CALB2: variants seen among roughly 807,000 people sequenced by gnomAD.
CALB2 encodes the protein calretinin.
CALB2 carries 34 observed loss-of-function variants against 45.9 expected under a neutral mutation model. The observed-to-expected ratio is 0.74, with a 90% CI of 0.56 to 0.99. The LOEUF is 0.99. CALB2 is among the 50% of genes least tolerant of loss of function. The probability of loss-of-function intolerance (pLI) is 0.00; values close to 1 mark genes in which losing one functional copy is unlikely to be tolerated. For missense variants in CALB2, 344 were observed against 339.3 expected (o/e 1.01, Z -0.11); for synonymous variants, 142 against 129.6 (o/e 1.10, Z -0.65).
At chr16:71,362,437 C>G (rs1179580775) in intron 1 of CALB2, among the ~76,000 whole-genome samples, 3 of 152,188 alleles carry the variant, frequency 2.0e-5, no homozygotes, top group Non-Finnish European at 4.4e-5. Flanking sequence ...AAGAATCTAG[C>G]CTACATAGAT....
At position 71,389,879 on chromosome 16, in the gene CALB2, G is replaced by C. The variant is rs1290903170; in HGVS notation, c.*14G>C. The C allele has an allele frequency of 6.3e-7, 1 of 1,577,032 alleles. No homozygotes were observed. The highest frequency in any genetic ancestry group is 1.7e-5 in the Admixed American group (1 of 59,968). The stretch of plus-strand genomic sequence containing the variant: ...CCCCCCATGTAAAGTGGGGACGGGG[G>C]CTGCTTCTCCACCTCCCCCAAACCC... On this transcript the variant is annotated 3_prime_UTR_variant, in exon 11 of 11. Transcript: ENST00000302628.
chr16:71,363,970 G>A lies in CALB2; in HGVS notation c.94+5084G>A, dbSNP rs554913110. Among the ~76,000 whole-genome samples, 3 of 152,268 alleles carry A rather than the reference G, an allele frequency of 2.0e-5. No homozygotes were observed. In the South Asian group the frequency reaches 6.2e-4, roughly 32 times the overall value. Reference sequence around the variant, plus strand: ...GGCGTGGCGTGATGTCAGGATATGAGGCTCTCAGGGAACAGCCGCCTGACC... The same window carrying A: ...GGCGTGGCGTGATGTCAGGATATGAAGCTCTCAGGGAACAGCCGCCTGACC... On this transcript the variant is annotated intron_variant, in intron 1 of 10. Transcript: ENST00000302628.
At chr16:71,368,404 G>C (rs962583710) in intron 1 of CALB2, among the ~76,000 whole-genome samples, 4 of 152,186 alleles carry the variant, frequency 2.6e-5, no homozygotes, top group Admixed American at 6.5e-5. Context: ...AGCTACTTGG[G>C]AGGCTGAGGT....
intron 3 of CALB2, among the ~76,000 whole-genome samples, chr16:71,377,240 G>A (rs1040899087): frequency 2.0e-5 from 3 of 152,156 alleles, no homozygotes; most frequent in African/African-American, 7.2e-5. Flanking sequence ...CCATGAAATT[G>A]CCACCCCAAT....
rs1324005134 is a variant in CALB2 at position 71,383,373 on chromosome 16, C to T, written c.406C>T (p.Leu136=). The change falls in exon 6 of 11, where the codon CTG becomes TTG. Residue 136 remains leucine, a synonymous_variant. Coordinates refer to ENST00000302628, the MANE Select transcript of CALB2 (RefSeq NM_001740.5). ...GAGGCCTTTTGTGTTGCAGGGATTCCTGTCAGACCTGCTGAAGAAGGCGAA... is the reference window on the plus strand; with the variant it reads ...GAGGCCTTTTGTGTTGCAGGGATTCTTGTCAGACCTGCTGAAGAAGGCGAA... ...YIEANELKGF[L]SDLLKKANRP... is the part of the protein sequence containing the mutation. 1 of 1,614,076 alleles carries T rather than the reference C, an allele frequency of 6.2e-7. No individual in the cohort carries two copies. Among genetic ancestry groups the T allele is most frequent in the South Asian group, 1.1e-5 (1 of 91,072 alleles).
intron 4 of CALB2, among the ~76,000 whole-genome samples, chr16:71,381,921 G>A (rs565429140): frequency 2.0e-5 from 3 of 151,648 alleles, no homozygotes; most frequent in Non-Finnish European, 4.4e-5. Context: ...AGGTTAAGCT[G>A]GGAGGATCAC....
rs576761520 is a variant in CALB2, at chr16:71,373,120, CTG to C, written c.171+894_171+895del. Among the ~76,000 whole-genome samples the C allele has an allele frequency of 2.1e-4, 32 of 152,292 alleles. No individual in the cohort carries two copies. In the East Asian group the frequency reaches 6.0e-3, roughly 28 times the overall value. On this transcript the variant is annotated intron_variant, in intron 2 of 10. Coordinates refer to ENST00000302628, the MANE Select transcript of CALB2 (RefSeq NM_001740.5). The stretch of plus-strand genomic sequence containing the variant: ...AGCTCAGGTGATTGGAACTAGTCTG[CTG>C]TGATTGCCGTGTCTGGTTCTGGAGT...
At chr16:71,380,611 G>A (rs895228143) in intron 4 of CALB2, among the ~76,000 whole-genome samples, 1 of 151,904 alleles carries the variant, frequency 6.6e-6, no homozygotes, top group African/African-American at 2.4e-5. Flanking sequence ...CCCAGCCTCA[G>A]GATTTCATAT....
chr16:71,376,351 G>A (rs1325685864), intron 3 of CALB2, among the ~76,000 whole-genome samples: 3 of 152,310 alleles, frequency 2.0e-5, no homozygotes, highest in Admixed American at 1.3e-4. Context: ...TGTTCCAGGT[G>A]GAAGCCAGGG....
chr16:71,387,355 C>T (rs1444042453), intron 10 of CALB2, among the ~76,000 whole-genome samples: 1 of 152,164 alleles, frequency 6.6e-6, no homozygotes, highest in Admixed American at 6.5e-5. Flanking sequence ...AGCCTTCCAC[C>T]TGGACCAAGT....
chr16:71,389,934 G>A lies in CALB2; in HGVS notation c.*69G>A, dbSNP rs896607317. On this transcript the variant is annotated 3_prime_UTR_variant, in exon 11 of 11. Transcript: ENST00000302628. ...TCTGCTGCCCTGATGCGTCTACCCAGACTCAGAGACCGTGAGCGCCCCGCC... is the reference window on the plus strand; with the variant it reads ...TCTGCTGCCCTGATGCGTCTACCCAAACTCAGAGACCGTGAGCGCCCCGCC... 39 of 1,077,912 alleles carry A rather than the reference G, an allele frequency of 3.6e-5. No homozygotes were observed. Among genetic ancestry groups the A allele is most frequent in the Non-Finnish European group, 5.2e-5 (37 of 705,954 alleles). The allele number at this position is 1,077,912 out of a possible 1,614,324, so 66.8% of individuals were successfully genotyped here. A position where few individuals can be genotyped will look rare whatever the true frequency, so the allele number is the denominator to read the frequency against.
At chr16:71,364,997 G>A (rs955738941) in intron 1 of CALB2, among the ~76,000 whole-genome samples, 2 of 152,170 alleles carry the variant, frequency 1.3e-5, no homozygotes, top group Admixed American at 6.5e-5. Flanking sequence ...TGGCAGGGTC[G>A]TAAAGAACAG....
At chr16:71,385,980 C>G (rs1421527488) in intron 10 of CALB2, among the ~76,000 whole-genome samples, 2 of 152,148 alleles carry the variant, frequency 1.3e-5, no homozygotes, top group African/African-American at 4.8e-5. Flanking sequence ...GCGCCAAAAC[C>G]TGTACCCATT....
At chr16:71,384,754 T>G (rs777421150) in intron 8 of CALB2, 29 bp from the exon 9 acceptor site, 1 of 1,179,966 alleles carries the variant, frequency 8.5e-7, no homozygotes, top group South Asian at 1.8e-5. Flanking sequence ...GCGCTTCTGC[T>G]TCTGTCTTTA....
chr16:71,380,286 C>CCTTTT (rs775931229), intron 4 of CALB2, among the ~76,000 whole-genome samples: 3 of 106,796 alleles, frequency 2.8e-5, no homozygotes, highest in African/African-American at 4.0e-5. Context: ...TTCTTTCCTT[C>CCTTTT]CTTTTCTTTT....
At chr16:71,382,220 T>C (rs1489703843) in intron 4 of CALB2, among the ~76,000 whole-genome samples, 3 of 149,184 alleles carry the variant, frequency 2.0e-5, no homozygotes, top group Non-Finnish European at 3.0e-5. Flanking sequence ...TGGCGCCAAA[T>C]AGACCAAAGA....
chr16:71,369,641 C>T (rs2144963140), intron 1 of CALB2, among the ~76,000 whole-genome samples: 1 of 152,306 alleles, frequency 6.6e-6, no homozygotes, highest in East Asian at 1.9e-4. Flanking sequence ...GCCTCTGCTT[C>T]ACTGAACCAT....
At chr16:71,385,550 C>G in intron 9 of CALB2, 27 bp from the exon 10 acceptor site, 1 of 1,612,246 alleles carries the variant, frequency 6.2e-7, no homozygotes, top group Non-Finnish European at 8.5e-7. Context: ...CTTTAGAGCT[C>G]TGGGTTGACT....
chr16:71,383,291 G>T (rs2144997211), intron 5 of CALB2, 76 bp from the exon 6 acceptor site: 1 of 1,298,772 alleles, frequency 7.7e-7, no homozygotes, highest in South Asian at 1.2e-5. Flanking sequence ...GAGACTGTCT[G>T]AATGAGCAAG....
Sources: allele counts gnomAD v4.1 joint callset (sites outside exome capture counted in the v4.1 genomes callset), GRCh38; gene constraint gnomAD v4.1.1; transcripts MANE v1.5; gene names NCBI Gene and HGNC (gene_info 2026-07-23, HGNC 2026-07-21).